UHRF1: variants seen among roughly 807,000 people sequenced by gnomAD.
The protein encoded by UHRF1 is ubiquitin like with PHD and ring finger domains 1.
A neutral mutation model predicts 96.5 loss-of-function variants in UHRF1; 9 were observed. The ratio of observed to expected loss-of-function variants is 0.09; its 90% CI spans 0.06 to 0.16. The LOEUF is 0.16. Among genes scored for constraint, UHRF1 ranks in the 10% least tolerant of loss-of-function variants. The pLI, the probability that UHRF1 is intolerant of heterozygous loss-of-function variation, is 1.00. For missense variants in UHRF1, 626 were observed against 1,131.1 expected (o/e 0.55, Z 6.40); for synonymous variants, 455 against 469.9 (o/e 0.97, Z 0.41).
chr19:4,927,517 T>TACA (rs2032912082), intron 2 of UHRF1, among the ~76,000 whole-genome samples: 1 of 152,174 alleles, frequency 6.6e-6, no homozygotes, highest in Non-Finnish European at 1.5e-5. Flanking sequence ...CCATGCTGTT[T>TACA]GCATTTGAAC....
Position 4,961,429 on chromosome 19 carries a change from T to G in UHRF1, c.*626T>G, listed in dbSNP as rs1281405863. On this transcript the variant is annotated 3_prime_UTR_variant, in exon 17 of 17. Coordinates refer to ENST00000650932, the MANE Select transcript of UHRF1 (RefSeq NM_001048201.3). ...TAGCGTCTGAGATCCGCGTGAAAAG[T>G]CCTCTGCCCACGAGAGCAGGGAGTT... 2.0e-5 allele frequency: 3 copies of G among 151,686 alleles called. No individual in the cohort carries two copies. Among genetic ancestry groups the G allele is most frequent in the Non-Finnish European group, 4.4e-5 (3 of 68,098 alleles). 9.4% of individuals were successfully genotyped at this position (151,686 alleles called of 1,614,324 possible).
At chr19:4,955,975 C>T (rs566904902) in intron 15 of UHRF1, among the ~76,000 whole-genome samples, 6 of 152,132 alleles carry the variant, frequency 3.9e-5, no homozygotes, top group South Asian at 4.2e-4. Flanking sequence ...TCTCGTTGCC[C>T]GGGCTGGAGT....
intron 5 of UHRF1, among the ~76,000 whole-genome samples, chr19:4,939,306 T>C (rs894387889): frequency 6.6e-6 from 1 of 150,390 alleles, no homozygotes; most frequent in Non-Finnish European, 1.5e-5. Context: ...GTGATACTCC[T>C]GCCTCAGCCT....
chr19:4,956,345 G>A (rs140379368), intron 15 of UHRF1, among the ~76,000 whole-genome samples: 8 of 152,302 alleles, frequency 5.3e-5, no homozygotes, highest in Admixed American at 3.9e-4. Flanking sequence ...GATGACAGGC[G>A]TGAGCTGCCG....
chr19:4,951,935 C>T (rs2033728948), intron 13 of UHRF1, among the ~76,000 whole-genome samples: 1 of 152,142 alleles, frequency 6.6e-6, no homozygotes, highest in Non-Finnish European at 1.5e-5. Flanking sequence ...TTTAAGGAAT[C>T]TTAATTGCTG....
At chr19:4,917,912 C>T (rs2032576990) in intron 2 of UHRF1, among the ~76,000 whole-genome samples, 2 of 152,048 alleles carry the variant, frequency 1.3e-5, no homozygotes, top group African/African-American at 2.4e-5. Flanking sequence ...CCTCCTGCCT[C>T]GGCCTTCTGA....
In UHRF1 at chr19:4,909,666, GGGCC is replaced by G; in HGVS notation, c.-11+14_-11+17del. 1 of 528,764 alleles carries G rather than the reference GGGCC, an allele frequency of 1.9e-6. No homozygotes were observed. The allele number at this position is 528,764 out of a possible 1,614,324, so 32.8% of individuals were successfully genotyped here. On this transcript the variant is annotated intron_variant, in intron 1 of 16. Coordinates refer to ENST00000650932, the MANE Select transcript of UHRF1 (RefSeq NM_001048201.3). The stretch of plus-strand genomic sequence containing the variant: ...GCGGCGACCGGAGAGGTGAGCGGGC[GGGCC>G]GGGTCGGGGTGCCAGCCCGGGCCGG...
chr19:4,945,774 G>A, intron 9 of UHRF1, 87 bp from the exon 10 acceptor site: 1 of 1,154,520 alleles, frequency 8.7e-7, no homozygotes, highest in South Asian at 1.3e-5. Context: ...GCCGCTGGCT[G>A]CTCGGGGTAG....
rs567290424 is a variant in UHRF1 at position 4,959,339 on chromosome 19, C to A, written c.2236-1318C>A. Among the ~76,000 whole-genome samples the A allele has an allele frequency of 1.1e-3, 169 of 152,144 alleles. 3 individuals carry two copies. The South Asian group carries it at 0.03, about 27-fold the overall frequency. On this transcript the variant is annotated intron_variant, in intron 16 of 16. Transcript: ENST00000650932. Reference sequence around the variant, plus strand: ...AGCGAGACTCTATCTTAAAAAAAAACAACAAAAACAAAAGCCACAGGCTGC... The same window carrying A: ...AGCGAGACTCTATCTTAAAAAAAAAAAACAAAAACAAAAGCCACAGGCTGC...
intron 16 of UHRF1, among the ~76,000 whole-genome samples, chr19:4,959,651 C>G (rs1380598508): frequency 6.6e-6 from 1 of 152,198 alleles, no homozygotes; most frequent in African/African-American, 2.4e-5. Flanking sequence ...TCTGAATCCA[C>G]CAGACTTGGT....
chr19:4,932,313 C>G (rs1328130672), intron 4 of UHRF1, among the ~76,000 whole-genome samples: 14 of 152,220 alleles, frequency 9.2e-5, no homozygotes, highest in Admixed American at 5.9e-4. Flanking sequence ...GGTGATCTTC[C>G]CGCTTCGGCC....
chr19:4,923,695 C>T (rs1490224988), intron 2 of UHRF1, among the ~76,000 whole-genome samples: 2 of 152,194 alleles, frequency 1.3e-5, no homozygotes. Context: ...TTCCACCCTC[C>T]AGGGGACACT....
At chr19:4,936,075 T>G (rs538227957) in intron 5 of UHRF1, among the ~76,000 whole-genome samples, 1 of 152,198 alleles carries the variant, frequency 6.6e-6, no homozygotes, top group Non-Finnish European at 1.5e-5. Flanking sequence ...GATTCATTCA[T>G]GCTTGTGTCC....
chr19:4,930,679 C>T lies in UHRF1; in HGVS notation c.409-37C>T. On this transcript the variant is annotated intron_variant, in intron 3 of 16. Coordinates refer to ENST00000650932, the MANE Select transcript of UHRF1 (RefSeq NM_001048201.3). The surrounding 1 kb of genome is among the most constrained non-coding windows in gnomAD (Gnocchi z 4.4). ...GGTGGTCTCCCGTCAGTTTTCCTCA[C>T]CCCGTTGGGATGCCAGACTTCCCTC... 6.2e-7 allele frequency: 1 copy of T among 1,603,960 alleles called. No individual in the cohort carries two copies.
intron 16 of UHRF1, among the ~76,000 whole-genome samples, chr19:4,957,151 C>G (rs940758224): frequency 6.6e-6 from 1 of 152,024 alleles, no homozygotes; most frequent in Non-Finnish European, 1.5e-5. Flanking sequence ...ATCCCTTGTA[C>G]CTGGGACAGC....
intron 4 of UHRF1, among the ~76,000 whole-genome samples, chr19:4,931,473 A>G (rs963106892): frequency 6.7e-6 from 1 of 148,932 alleles, no homozygotes; most frequent in Non-Finnish European, 1.5e-5. Context: ...TTTTATTTTT[A>G]TTTTATTTTT....
rs1491297076 is a variant in UHRF1 at position 4,913,808 on chromosome 19, T to TGTAGC, written c.153+2770_153+2771insGTAGC. Among the ~76,000 whole-genome samples the TGTAGC allele has an allele frequency of 5.5e-5, 4 of 72,392 alleles. No individual in the cohort carries two copies. In the African/African-American group the frequency reaches 5.7e-4, roughly 10 times the overall value. The allele number at this position is 72,392 out of a possible 152,430, so 47.5% of individuals were successfully genotyped here. ...CTGTGGCTGTTTCCCATGCAGTAGC[T>TGTAGC]TTTTTTTTTTTTTTTTTTTTTGGAG... On this transcript the variant is annotated intron_variant, in intron 2 of 16. Transcript: ENST00000650932.
chr19:4,942,817 CAGCCACTTG>C (rs1207226784), intron 7 of UHRF1, among the ~76,000 whole-genome samples: 3 of 152,124 alleles, frequency 2.0e-5, no homozygotes, highest in African/African-American at 7.2e-5. Context: ...CCTGTGGTCC[CAGCCACTTG>C]GGAGGCCGAG....
intron 2 of UHRF1, among the ~76,000 whole-genome samples, chr19:4,912,555 C>T (rs2032324243): frequency 6.6e-6 from 1 of 152,122 alleles, no homozygotes; most frequent in Non-Finnish European, 1.5e-5. Context: ...CCTAGACACA[C>T]CTGCCATGTA....
Sources: gnomAD v4.1 joint callset for allele counts (sites outside exome capture counted in the v4.1 genomes callset) on GRCh38, gnomAD v4.1.1 for gene constraint, Gnocchi (gnomAD v3.1) non-coding constraint, MANE v1.5 for transcripts, NCBI Gene and HGNC (gene_info 2026-07-23, HGNC 2026-07-21) for gene names.